RNF222: variants seen among roughly 807,000 people sequenced by gnomAD.
RNF222 encodes ring finger protein 222, also known as RING finger protein LOC643904.
RNF222 carries 14 observed loss-of-function variants against 10.8 expected under a neutral mutation model. That is an observed-to-expected ratio of 1.30 (90% CI 0.86 to 2.03). RNF222 has a LOEUF of 2.03. RNF222 is among the 30% of genes most tolerant of loss of function. The pLI, the probability that RNF222 is intolerant of heterozygous loss-of-function variation, is 0.00. For missense variants in RNF222, 298 were observed against 295.8 expected, an observed-to-expected ratio of 1.01 and a Z score of -0.06; for synonymous variants, 141 against 142.5, an observed-to-expected ratio of 0.99 and a Z score of 0.07.
chr17:8,392,554 G>A lies in RNF222; in HGVS notation c.*245C>T, dbSNP rs947012239. 7.4e-6 allele frequency: 4 copies of A among 537,758 alleles called. No homozygotes were observed. Among genetic ancestry groups the A allele is most frequent in the African/African-American group, 6.1e-5 (3 of 49,016 alleles). 33.3% of individuals were successfully genotyped at this position (537,758 alleles called of 1,614,324 possible). On this transcript the variant is annotated 3_prime_UTR_variant, in exon 3 of 3. Transcript: ENST00000399398. This position sits in a 1 kb window ranked among gnomAD's most constrained non-coding sequence, Gnocchi z 4.3. ...GACCACCCATCTTCCCAGCCTAGAG[G>A]AAGGGGAACGCATCTGCTGAGGATT...
intron 1 of RNF222, among the ~76,000 whole-genome samples, chr17:8,395,040 T>C (rs1354887750): frequency 6.6e-6 from 1 of 152,172 alleles, no homozygotes; most frequent in Non-Finnish European, 1.5e-5. Context: ...AGAGATGACA[T>C]AGTGGGAACA....
intron 1 of RNF222, among the ~76,000 whole-genome samples, chr17:8,396,700 A>G (rs149361585): frequency 1.2e-4 from 18 of 152,124 alleles, no homozygotes; most frequent in Non-Finnish European, 2.2e-4. Flanking sequence ...CAACACCTGG[A>G]CGATGCTACC....
At chr17:8,396,110 T>G (rs973244241) in intron 1 of RNF222, among the ~76,000 whole-genome samples, 2 of 152,190 alleles carry the variant, frequency 1.3e-5, no homozygotes, top group African/African-American at 4.8e-5. Flanking sequence ...TTAAGTTGTT[T>G]GGATAACTGA....
intron 1 of RNF222, among the ~76,000 whole-genome samples, chr17:8,396,177 G>A (rs747753842): frequency 6.6e-6 from 1 of 152,330 alleles, no homozygotes; most frequent in East Asian, 1.9e-4. Context: ...AGGGAAAAAG[G>A]ACTTTAGAGA....
Position 8,393,391 on chromosome 17 carries a change from A to T in RNF222, c.71T>A (p.Leu24Gln). The change falls in exon 3 of 3, where the codon CTG (leucine) becomes CAG (glutamine). Residue 24 changes from leucine to glutamine, a missense_variant. Physicochemically the swap from Leu to Gln is moderately radical, Grantham distance 113. Transcript: ENST00000399398. The stretch of plus-strand genomic sequence containing the variant: ...GCTCAGCGTCCGGCTGGCGCCCTCC[A>T]GGTCCCGGAACTTCTCATAGCACAC... Reference protein sequence around the residue: ...CPVCYEKFRDLEGASRTLSCG... With the variant: ...CPVCYEKFRDQEGASRTLSCG... The T allele has an allele frequency of 6.4e-7, 1 of 1,551,660 alleles. No homozygotes were observed.
chr17:8,392,734 G>T lies in RNF222; in HGVS notation c.*65C>A. 6.6e-7 allele frequency: 1 copy of T among 1,505,056 alleles called. No individual in the cohort carries two copies. Among genetic ancestry groups the T allele is most frequent in the African/African-American group, 1.4e-5 (1 of 71,580 alleles). 93.2% of individuals were successfully genotyped at this position (1,505,056 alleles called of 1,614,324 possible). On this transcript the variant is annotated 3_prime_UTR_variant, in exon 3 of 3. Coordinates refer to ENST00000399398, the MANE Select transcript of RNF222 (RefSeq NM_001146684.3). This position sits in a 1 kb window ranked among gnomAD's most constrained non-coding sequence, Gnocchi z 4.3. ...CCCCTCGGAGCTTGGTGGCACCAGG[G>T]CTGCCGTGGGCCTCCTGTCCCACCC... is the stretch of plus-strand genomic sequence containing the variant.
chr17:8,393,432 C>T lies in RNF222; in HGVS notation c.30G>A (p.Ser10=), dbSNP rs567114389. 1.9e-5 allele frequency: 30 copies of T among 1,550,966 alleles called. No homozygotes were observed. Among genetic ancestry groups the T allele is most frequent in the Non-Finnish European group, 2.5e-5 (29 of 1,146,660 alleles). The change falls in exon 3 of 3, where the codon TCG becomes TCA. Residue 10 remains serine, a synonymous_variant. Coordinates refer to ENST00000399398, the MANE Select transcript of RNF222 (RefSeq NM_001146684.3). ...CATAGCACACGGGGCACTCACTGCCCGAGCTGTCCTTGCTCTCCCCTTCTG... is the reference window on the plus strand; with the variant it reads ...CATAGCACACGGGGCACTCACTGCCTGAGCTGTCCTTGCTCTCCCCTTCTG... MSEGESKDS[S]GSECPVCYEK...
rs749564473 is a variant in RNF222 at position 8,393,100 on chromosome 17, C to G, written c.362G>C (p.Gly121Ala). The G allele has an allele frequency of 3.6e-5, 54 of 1,512,528 alleles. No individual in the cohort carries two copies. The African/African-American group carries it at 6.1e-4, about 17-fold the overall frequency. The allele number at this position is 1,512,528 out of a possible 1,614,324, so 93.7% of individuals were successfully genotyped here. ...ASSPAWRPPPGQARPPGSPGQ... is the reference protein window; with the variant it reads ...ASSPAWRPPPAQARPPGSPGQ... ...CGGGCTGCCTGGCGGCCTGGCCTGG[C>G]CTGGAGGTGGCCTCCAGGCAGGGGA... Residue 121 changes from glycine (G) to alanine (A), a missense_variant, in exon 3 of 3, where the codon GGC (glycine) becomes GCC (alanine). Physicochemically the swap from Gly to Ala is moderately conservative, Grantham distance 60. Transcript: ENST00000399398.
Position 8,392,929 on chromosome 17 carries a change from G to A in RNF222, c.533C>T (p.Ser178Phe). 2 of 1,529,484 alleles carry A rather than the reference G, an allele frequency of 1.3e-6. No individual in the cohort carries two copies. Among genetic ancestry groups the A allele is most frequent in the Non-Finnish European group, 1.7e-6 (2 of 1,143,804 alleles). The allele number at this position is 1,529,484 out of a possible 1,614,324, so 94.7% of individuals were successfully genotyped here. The change falls in exon 3 of 3, where the codon TCC becomes TTC. Residue 178 changes from serine (S) to phenylalanine (F), a missense_variant. Coordinates refer to ENST00000399398, the MANE Select transcript of RNF222 (RefSeq NM_001146684.3). The surrounding 1 kb of genome is among the most constrained non-coding windows in gnomAD (Gnocchi z 4.3). ...GGCGCGGGCGGAGCGGGGCGCCAGG[G>A]AGGCCTCCGAGAGCTCTGCCAGGCT... ...RRSLAELSEA[S>F]LAPRSARAFC...
Position 8,392,060 on chromosome 17 carries a change from C to G in RNF222, c.*739G>C, listed in dbSNP as rs1907852523. The G allele has an allele frequency of 6.6e-6, 1 of 152,346 alleles. No homozygotes were observed. The highest frequency in any genetic ancestry group is 1.5e-5 in the Non-Finnish European group (1 of 68,122). 9.4% of individuals were successfully genotyped at this position (152,346 alleles called of 1,614,324 possible). A position where few individuals can be genotyped will look rare whatever the true frequency, so the allele number is the denominator to read the frequency against. Reference sequence around the variant, plus strand: ...CCCAGGACTCAAAGTTTGGATCCCTCCTTTGGCCTGGAGGGCTCAGGGAGA... The same window carrying G: ...CCCAGGACTCAAAGTTTGGATCCCTGCTTTGGCCTGGAGGGCTCAGGGAGA... On this transcript the variant is annotated 3_prime_UTR_variant, in exon 3 of 3. Coordinates refer to ENST00000399398, the MANE Select transcript of RNF222 (RefSeq NM_001146684.3). This position sits in a 1 kb window ranked among gnomAD's most constrained non-coding sequence, Gnocchi z 4.3.
chr17:8,392,691 C>A lies in RNF222; in HGVS notation c.*108G>T. Reference sequence around the variant, plus strand: ...GGCCCTCTCTGTGCCCAGGTCCTCCCCTCTGCCTGCCCGCGTGCCCCTCGG... The same window carrying A: ...GGCCCTCTCTGTGCCCAGGTCCTCCACTCTGCCTGCCCGCGTGCCCCTCGG... On this transcript the variant is annotated 3_prime_UTR_variant, in exon 3 of 3. Coordinates refer to ENST00000399398, the MANE Select transcript of RNF222 (RefSeq NM_001146684.3). The surrounding 1 kb of genome is among the most constrained non-coding windows in gnomAD (Gnocchi z 4.3). 7.4e-7 allele frequency: 1 copy of A among 1,359,918 alleles called. No individual in the cohort carries two copies. The highest frequency in any genetic ancestry group is 2.6e-5 in the East Asian group (1 of 38,408). 84.2% of individuals were successfully genotyped at this position (1,359,918 alleles called of 1,614,324 possible).
In RNF222 at chr17:8,393,052, A is replaced by AG; in HGVS notation, c.409dup (p.Leu137ProfsTer95). 1 of 1,497,962 alleles carries AG rather than the reference A, an allele frequency of 6.7e-7. No homozygotes were observed. Among genetic ancestry groups the AG allele is most frequent in the Non-Finnish European group, 8.9e-7 (1 of 1,128,368 alleles). The allele number at this position is 1,497,962 out of a possible 1,614,324, so 92.8% of individuals were successfully genotyped here. On this transcript the variant is annotated frameshift_variant, in exon 3 of 3. Transcript: ENST00000399398. LOFTEE classifies it high-confidence loss of function. ...CCGGGGCAGGCTGGGCAGCAGGTCC[A>AG]GGGGGAGCTGGGCGCTCTGGCCCGG...
rs1907883933 is a variant in RNF222 at position 8,392,787 on chromosome 17, C to T, written c.*12G>A. On this transcript the variant is annotated 3_prime_UTR_variant, in exon 3 of 3. Transcript: ENST00000399398. This position sits in a 1 kb window ranked among gnomAD's most constrained non-coding sequence, Gnocchi z 4.3. ...GGCCACGGCTAGCCCGGCGGCCTCC[C>T]TGAGGTGCGGCTCACGCCTGCTTCC... is the stretch of plus-strand genomic sequence containing the variant. 6.5e-7 allele frequency: 1 copy of T among 1,531,596 alleles called. No individual in the cohort carries two copies. The allele number at this position is 1,531,596 out of a possible 1,614,324, so 94.9% of individuals were successfully genotyped here.
At chr17:8,394,031 C>T (rs1424817939) in intron 2 of RNF222, 147 bp downstream of exon 2, 1 of 153,954 alleles carries the variant, frequency 6.5e-6, no homozygotes, top group Non-Finnish European at 1.4e-5. Context: ...ATTGGATTTC[C>T]TCCAGCCATT....
At chr17:8,394,653 G>A (rs1209194577) in intron 1 of RNF222, among the ~76,000 whole-genome samples, 2 of 152,194 alleles carry the variant, frequency 1.3e-5, no homozygotes, top group Non-Finnish European at 2.9e-5. Context: ...GGCCAGGCTG[G>A]TCTTGAACTC....
Position 8,392,905 on chromosome 17 carries a change from G to T in RNF222, c.557C>A (p.Ala186Asp), listed in dbSNP as rs1171631159. 2.6e-6 allele frequency: 4 copies of T among 1,532,328 alleles called. No homozygotes were observed. In the South Asian group the frequency reaches 4.8e-5, roughly 18 times the overall value. The allele number at this position is 1,532,328 out of a possible 1,614,324, so 94.9% of individuals were successfully genotyped here. A position where few individuals can be genotyped will look rare whatever the true frequency, so the allele number is the denominator to read the frequency against. The change falls in exon 3 of 3, where the codon GCC (alanine) becomes GAC (aspartate). Residue 186 changes from alanine (A) to aspartate (D), a missense_variant. Coordinates refer to ENST00000399398, the MANE Select transcript of RNF222 (RefSeq NM_001146684.3). This position sits in a 1 kb window ranked among gnomAD's most constrained non-coding sequence, Gnocchi z 4.3. Reference sequence around the variant, plus strand: ...CAGGGCCCGCGATCGGCAGCAGAAGGCGCGGGCGGAGCGGGGCGCCAGGGA... The same window carrying T: ...CAGGGCCCGCGATCGGCAGCAGAAGTCGCGGGCGGAGCGGGGCGCCAGGGA... The part of the protein sequence containing the change: ...EASLAPRSAR[A>D]FCCRSRALLL...
At position 8,390,958 on chromosome 17, in the gene RNF222, C is replaced by G. The variant is rs1483474657; in HGVS notation, c.*1841G>C. The G allele has an allele frequency of 6.6e-6, 1 of 151,708 alleles. No homozygotes were observed. The highest frequency in any genetic ancestry group is 6.6e-5 in the Admixed American group (1 of 15,250). The allele number at this position is 151,708 out of a possible 1,614,324, so 9.4% of individuals were successfully genotyped here. A position where few individuals can be genotyped will look rare whatever the true frequency, so the allele number is the denominator to read the frequency against. On this transcript the variant is annotated 3_prime_UTR_variant, in exon 3 of 3. Coordinates refer to ENST00000399398, the MANE Select transcript of RNF222 (RefSeq NM_001146684.3). ...TGCAAATTTAACATTATTTTTATTCCTATAATAAATATTTTCCCCATGGAA... is the reference window on the plus strand; with the variant it reads ...TGCAAATTTAACATTATTTTTATTCGTATAATAAATATTTTCCCCATGGAA...
At position 8,393,402 on chromosome 17, in the gene RNF222, C is replaced by G. The variant is rs1907933134; in HGVS notation, c.60G>C (p.Lys20Asn). 4 of 1,551,572 alleles carry G rather than the reference C, an allele frequency of 2.6e-6. No individual in the cohort carries two copies. In the East Asian group the frequency reaches 9.8e-5, roughly 38 times the overall value. The change falls in exon 3 of 3, where the codon AAG becomes AAC. Residue 20 changes from lysine (K) to asparagine (N), a missense_variant. Lys to Asn is a moderately conservative substitution (Grantham distance 94). Transcript: ENST00000399398. The part of the protein sequence containing the change: ...SGSECPVCYE[K>N]FRDLEGASRT... ...GGCTGGCGCCCTCCAGGTCCCGGAA[C>G]TTCTCATAGCACACGGGGCACTCAC...
chr17:8,393,160 T>C lies in RNF222; in HGVS notation c.302A>G (p.Asp101Gly). Residue 101 changes from aspartate (D) to glycine (G), a missense_variant, in exon 3 of 3, where the codon GAC becomes GGC. Asp to Gly is a moderately conservative substitution (Grantham distance 94, BLOSUM62 -1). Transcript: ENST00000399398. ...PVGLPSVPPL[D>G]SLGHTNPLAA... is the part of the protein sequence containing the mutation. ...CAGGGGGTTTGTGTGGCCCAGGCTG[T>C]CCAGTGGGGGCACGGAGGGCAGGCC... The C allele has an allele frequency of 7.1e-6, 11 of 1,549,546 alleles. No homozygotes were observed. Among genetic ancestry groups the C allele is most frequent in the Non-Finnish European group, 9.6e-6 (11 of 1,146,578 alleles).
Sources: allele counts gnomAD v4.1 joint callset (sites outside exome capture counted in the v4.1 genomes callset), GRCh38; gene constraint gnomAD v4.1.1; non-coding constraint Gnocchi (gnomAD v3.1); transcripts MANE v1.5; gene names NCBI Gene and HGNC (gene_info 2026-07-23, HGNC 2026-07-21).